The following RGSL1 variants were observed in gnomAD, a reference collection of about 807,000 sequenced individuals.
The protein encoded by RGSL1 is regulator of G protein signaling protein-like.
In RGSL1, 97 loss-of-function variants were observed where a neutral mutation model predicts 124.7. The observed-to-expected ratio is 0.78, with a 90% confidence interval of 0.66 to 0.92. The LOEUF is 0.92. Ranked by LOEUF, RGSL1 falls within the 40% of genes least tolerant of loss-of-function variation. The pLI, the probability that RGSL1 is intolerant of heterozygous loss-of-function variation, is 0.00. For synonymous variants in RGSL1, 424 were observed against 438.1 expected (o/e 0.97, Z 0.40); for missense variants, 1,233 against 1,288.4 (o/e 0.96, Z 0.66).
At position 182,459,866 on chromosome 1, in the gene RGSL1, A is replaced by G. The variant is rs544170049; in HGVS notation, c.172-138A>G. On this transcript the variant is annotated intron_variant, in intron 3 of 21. Coordinates refer to ENST00000294854, the MANE Select transcript of RGSL1 (RefSeq NM_001137669.2). ...AAGTCCAGGTTCCAGGTTTATAGAA[A>G]TTGTTTTTAATCAACACACCTATCC... The G allele has an allele frequency of 8.8e-6, 9 of 1,021,714 alleles. No homozygotes were observed. The African/African-American group carries it at 1.3e-4, about 15-fold the overall frequency. The allele number at this position is 1,021,714 out of a possible 1,614,324, so 63.3% of individuals were successfully genotyped here. A position where few individuals can be genotyped will look rare whatever the true frequency, so the allele number is the denominator to read the frequency against.
At chr1:182,515,182 A>G (rs2102213293) in intron 9 of RGSL1, among the ~76,000 whole-genome samples, 1 of 152,262 alleles carries the variant, frequency 6.6e-6, no homozygotes, top group East Asian at 1.9e-4. Flanking sequence ...GCACTCACCT[A>G]TGCCTCCATC....
intron 9 of RGSL1, among the ~76,000 whole-genome samples, chr1:182,513,373 A>G (rs1402648831): frequency 6.6e-6 from 1 of 152,210 alleles, no homozygotes; most frequent in Non-Finnish European, 1.5e-5. Flanking sequence ...AGAGAGAAAA[A>G]AAAGATTTAT....
At chr1:182,550,808 C>G in intron 17 of RGSL1, 1 of 355,016 alleles carries the variant, frequency 2.8e-6, no homozygotes, top group Middle Eastern at 7.9e-4. Flanking sequence ...TAACCTCACC[C>G]CAGGCCTCAG....
chr1:182,519,694 A>G (rs1407228192), intron 9 of RGSL1, among the ~76,000 whole-genome samples: 1 of 151,952 alleles, frequency 6.6e-6, no homozygotes, highest in African/African-American at 2.4e-5. Flanking sequence ...TAATTTTATT[A>G]TACATATTTT....
intron 6 of RGSL1, among the ~76,000 whole-genome samples, chr1:182,477,965 C>T (rs1322431856): frequency 6.6e-6 from 1 of 152,186 alleles, no homozygotes; most frequent in East Asian, 1.9e-4. Context: ...AATAACATTT[C>T]ACTATCTGAC....
intron 14 of RGSL1, among the ~76,000 whole-genome samples, chr1:182,533,345 G>A (rs139091388): frequency 9.8e-6 from 1 of 101,918 alleles, no homozygotes; most frequent in East Asian, 2.9e-4. Context: ...ATCATTTTAT[G>A]TCAGTACACA....
At position 182,504,472 on chromosome 1, in the gene RGSL1, CTTTTTTTTTTTTTTTTT is replaced by C. The variant is rs60918424; in HGVS notation, c.1825+11354_1825+11370del. Reference sequence around the variant, plus strand: ...TCTTTTTTCCTGTGAATGAGCCATACTTTTTTTTTTTTTTTTTTTTTTTTTTTGCATACCTCATAGTT... The same window carrying C: ...TCTTTTTTCCTGTGAATGAGCCATACTTTTTTTTTTGCATACCTCATAGTT... On this transcript the variant is annotated intron_variant, in intron 9 of 21. Coordinates refer to ENST00000294854, the MANE Select transcript of RGSL1 (RefSeq NM_001137669.2). 2.0e-3 allele frequency among the ~76,000 whole-genome samples: 119 copies of C among 59,524 alleles called. 2 individuals are homozygous for C. The Middle Eastern group carries it at 0.098, about 49-fold the overall frequency. 39.1% of individuals were successfully genotyped at this position (59,524 alleles called of 152,430 possible).
chr1:182,474,351 C>T lies in RGSL1; in HGVS notation c.1240C>T (p.Leu414=), dbSNP rs1416198304. The change falls in exon 6 of 22, where the codon CTG becomes TTG. Residue 414 remains leucine (L), a synonymous_variant. Coordinates refer to ENST00000294854, the MANE Select transcript of RGSL1 (RefSeq NM_001137669.2). ...CTTGCAGCATTTCCTCAGTGTCCTT[C>T]TGAATAACAAAAAGAATGGGAATGC... is the stretch of plus-strand genomic sequence containing the variant. ...QDLQHFLSVL[L]NNKKNGNAIF... 1.3e-6 allele frequency: 2 copies of T among 1,551,736 alleles called. No individual in the cohort carries two copies. The highest frequency in any genetic ancestry group is 1.4e-5 in the African/African-American group (1 of 73,054).
In RGSL1 at chr1:182,549,063, C is replaced by T. The variant is rs1660404959; in HGVS notation, c.2933+239C>T. 1.4e-5 allele frequency: 6 copies of T among 420,070 alleles called. No homozygotes were observed. The Admixed American group carries it at 2.1e-4, about 15-fold the overall frequency. The allele number at this position is 420,070 out of a possible 1,614,324, so 26.0% of individuals were successfully genotyped here. A position where few individuals can be genotyped will look rare whatever the true frequency, so the allele number is the denominator to read the frequency against. ...GCCAAACGCCTGGTTTCCCACCCCT[C>T]CTCTTTCTATGCTTGCTTGGAGCAA... On this transcript the variant is annotated intron_variant, in intron 17 of 21. Coordinates refer to ENST00000294854, the MANE Select transcript of RGSL1 (RefSeq NM_001137669.2).
chr1:182,555,928 C>T, intron 20 of RGSL1, 96 bp from the exon 21 acceptor site: 1 of 1,144,370 alleles, frequency 8.7e-7, no homozygotes, highest in Non-Finnish European at 1.3e-6. Flanking sequence ...TGGCTATTGC[C>T]ATTCCTAAAG....
Position 182,460,895 on chromosome 1 carries a change from G to A in RGSL1, c.301+762G>A, listed in dbSNP as rs1173647517. 1.4e-5 allele frequency: 5 copies of A among 368,278 alleles called. No individual in the cohort carries two copies. In the East Asian group the frequency reaches 3.7e-4, roughly 27 times the overall value. 22.8% of individuals were successfully genotyped at this position (368,278 alleles called of 1,614,324 possible). On this transcript the variant is annotated intron_variant, in intron 4 of 21. Coordinates refer to ENST00000294854, the MANE Select transcript of RGSL1 (RefSeq NM_001137669.2). ...TACTTACCCTCAACCCCAGCCCCAT[G>A]GCACACAGTTGTGCACATGTTCCTG...
chr1:182,488,169 C>G (rs1655237650), intron 6 of RGSL1, 116 bp from the exon 7 acceptor site: 1 of 999,474 alleles, frequency 1.0e-6, no homozygotes, highest in Non-Finnish European at 1.5e-6. Flanking sequence ...CATTAGATCT[C>G]CAAATTACAG....
chr1:182,532,699 G>GTACTTTATCAGC lies in RGSL1; in HGVS notation c.2403_2404insACTTTATCAGCT (p.Ser801_Phe802insThrLeuSerAla). 1 of 1,551,086 alleles carries GTACTTTATCAGC rather than the reference G, an allele frequency of 6.4e-7. No homozygotes were observed. Among genetic ancestry groups the GTACTTTATCAGC allele is most frequent in the South Asian group, 1.2e-5 (1 of 84,036 alleles). ...ATGAGAATGATCAGCTTTATCAGGAGTTTTTGCAAGTACCGCAGATTTATG... is the reference window on the plus strand; with the variant it reads ...ATGAGAATGATCAGCTTTATCAGGAGTACTTTATCAGCTTTTTGCAAGTACCGCAGATTTATG... On this transcript the variant is annotated inframe_insertion, in exon 14 of 22. Transcript: ENST00000294854.
At chr1:182,554,755 G>A (rs1660765968) in intron 20 of RGSL1, 62 bp downstream of exon 20, 2 of 1,486,686 alleles carry the variant, frequency 1.3e-6, no homozygotes, top group Non-Finnish European at 1.8e-6. Flanking sequence ...GCATGCAATA[G>A]GAGATGGTAT....
intron 7 of RGSL1, 104 bp downstream of exon 7, chr1:182,488,451 T>C: frequency 8.7e-7 from 1 of 1,156,024 alleles, no homozygotes; most frequent in Non-Finnish European, 1.3e-6. Flanking sequence ...GAAATTGTTA[T>C]TTTTCCTAGA....
rs1660849676 is a variant in RGSL1, at chr1:182,556,111, G to T, written c.*54G>T. 4 of 1,493,456 alleles carry T rather than the reference G, an allele frequency of 2.7e-6. No individual in the cohort carries two copies. Among genetic ancestry groups the T allele is most frequent in the Non-Finnish European group, 3.6e-6 (4 of 1,103,036 alleles). The allele number at this position is 1,493,456 out of a possible 1,614,324, so 92.5% of individuals were successfully genotyped here. On this transcript the variant is annotated 3_prime_UTR_variant, in exon 21 of 22. Coordinates refer to ENST00000294854, the MANE Select transcript of RGSL1 (RefSeq NM_001137669.2). ...CATCTCTTAGAGGCCTCCTAACACT[G>T]ACAGAAACTTTTCTGGTCAAAAATG...
chr1:182,473,712 A>C lies in RGSL1; in HGVS notation c.601A>C (p.Thr201Pro), dbSNP rs1449913836. 2 of 1,551,724 alleles carry C rather than the reference A, an allele frequency of 1.3e-6. No homozygotes were observed. The highest frequency in any genetic ancestry group is 1.7e-6 in the Non-Finnish European group (2 of 1,147,000). Reference sequence around the variant, plus strand: ...CAACTTTTACACCCACACCAAGATGACCATGGCCAAGGAGGAAGCATGCCA... The same window carrying C: ...CAACTTTTACACCCACACCAAGATGCCCATGGCCAAGGAGGAAGCATGCCA... The part of the protein sequence containing the change: ...LPNFYTHTKM[T>P]MAKEEACHGL... The change falls in exon 6 of 22, where the codon ACC (threonine) becomes CCC (proline). Residue 201 changes from threonine to proline, a missense_variant. By Grantham distance (38) the Thr-to-Pro change is conservative. Coordinates refer to ENST00000294854, the MANE Select transcript of RGSL1 (RefSeq NM_001137669.2).
Position 182,512,757 on chromosome 1 carries a change from ATGGAGG to A in RGSL1, c.1826-9243_1826-9238del, listed in dbSNP as rs1256133396. ...GTGAATGCAGAGATTTTACTGGATG[ATGGAGG>A]TGGCTCTCAGCAGAATGGATGCGGA... On this transcript the variant is annotated intron_variant, in intron 9 of 21. Coordinates refer to ENST00000294854, the MANE Select transcript of RGSL1 (RefSeq NM_001137669.2). 2.2e-4 allele frequency among the ~76,000 whole-genome samples: 33 copies of A among 152,236 alleles called. 1 individual carries two copies. The highest frequency in any genetic ancestry group is 2.1e-3 in the Admixed American group (32 of 15,288).
At chr1:182,505,971 T>A (rs1438238176) in intron 9 of RGSL1, among the ~76,000 whole-genome samples, 1 of 152,180 alleles carries the variant, frequency 6.6e-6, no homozygotes, top group Non-Finnish European at 1.5e-5. Context: ...TTTATATATT[T>A]GATTTTCCTT....
Sources: allele counts gnomAD v4.1 joint callset (sites outside exome capture counted in the v4.1 genomes callset), GRCh38; gene constraint gnomAD v4.1.1; transcripts MANE v1.5; gene names NCBI Gene and HGNC (gene_info 2026-07-23, HGNC 2026-07-21).